The following LNP1 variants were observed in gnomAD, a reference collection of about 807,000 sequenced individuals.
LNP1 encodes the protein leukemia NUP98 fusion partner 1.
LNP1 carries 12 observed loss-of-function variants against 14.5 expected under a neutral mutation model. The observed-to-expected ratio is 0.83, with a 90% CI of 0.53 to 1.34. The LOEUF (loss-of-function observed/expected upper bound fraction) is 1.34, where lower values mean the gene tolerates loss of function less well. Among genes scored for constraint, LNP1 ranks in the 40% most tolerant of loss-of-function variants. LNP1 has a pLI of 0.00. For missense variants in LNP1, 198 were observed against 210.9 expected (o/e 0.94, Z 0.38); for synonymous variants, 75 against 71.4 (o/e 1.05, Z -0.26).
At position 100,422,442 on chromosome 3, in the gene LNP1, CAA is replaced by C. The variant is rs535765954; in HGVS notation, c.-33-7251_-33-7250del. The stretch of plus-strand genomic sequence containing the variant: ...TTGTGATCCGCCTGCCTCAGCCTCC[CAA>C]AAAGTTTTTTACATAGTAGTAAATT... On this transcript the variant is annotated intron_variant, in intron 1 of 3. Coordinates refer to ENST00000383693, the MANE Select transcript of LNP1 (RefSeq NM_001085451.2). Among the ~76,000 whole-genome samples, 38 of 152,188 alleles carry C rather than the reference CAA, an allele frequency of 2.5e-4. 1 individual carries two copies. The South Asian group carries it at 7.9e-3, about 32-fold the overall frequency.
intron 3 of LNP1, among the ~76,000 whole-genome samples, chr3:100,453,340 G>A (rs1707477346): frequency 6.6e-6 from 1 of 151,850 alleles, no homozygotes; most frequent in African/African-American, 2.4e-5. Flanking sequence ...CAGCACTTTG[G>A]AAGGTTGAGG....
chr3:100,423,776 T>C (rs1391284481), intron 1 of LNP1, among the ~76,000 whole-genome samples: 1 of 152,196 alleles, frequency 6.6e-6, no homozygotes, highest in Non-Finnish European at 1.5e-5. Flanking sequence ...CGCAGTCACT[T>C]GGCAGCTTTT....
In LNP1 at chr3:100,429,677, T is replaced by C. The variant is rs1411021934; in HGVS notation, c.-33-20T>C. 4 of 1,530,274 alleles carry C rather than the reference T, an allele frequency of 2.6e-6. No individual in the cohort carries two copies. The highest frequency in any genetic ancestry group is 2.3e-5 in the East Asian group (1 of 44,064). 94.8% of individuals were successfully genotyped at this position (1,530,274 alleles called of 1,614,324 possible). A position where few individuals can be genotyped will look rare whatever the true frequency, so the allele number is the denominator to read the frequency against. On this transcript the variant is annotated intron_variant, in intron 1 of 3. Coordinates refer to ENST00000383693, the MANE Select transcript of LNP1 (RefSeq NM_001085451.2). The stretch of plus-strand genomic sequence containing the variant: ...TCATTGTCAGCCCTGTTGGGTGATA[T>C]TTCCCTCTGTCGCATTTAGGGACAG...
At chr3:100,433,249 C>T (rs1051427872) in intron 2 of LNP1, among the ~76,000 whole-genome samples, 7 of 152,030 alleles carry the variant, frequency 4.6e-5, no homozygotes, top group African/African-American at 7.2e-5. Flanking sequence ...CCAGTGTGTG[C>T]GTTGTTCCCC....
chr3:100,434,811 G>C (rs547461379), intron 2 of LNP1, among the ~76,000 whole-genome samples: 4 of 149,514 alleles, frequency 2.7e-5, no homozygotes, highest in Admixed American at 2.0e-4. Flanking sequence ...TTACAGGTGT[G>C]AGCCACTGCA....
chr3:100,450,589 G>A (rs999178660), intron 2 of LNP1, among the ~76,000 whole-genome samples: 5 of 152,030 alleles, frequency 3.3e-5, no homozygotes, highest in Non-Finnish European at 4.4e-5. Context: ...CCTCCGCCTT[G>A]TCCTCCCAAA....
intron 1 of LNP1, among the ~76,000 whole-genome samples, chr3:100,414,355 T>C (rs1402675505): frequency 6.6e-6 from 1 of 152,116 alleles, no homozygotes; most frequent in Non-Finnish European, 1.5e-5. Flanking sequence ...GAGACCAGCC[T>C]GGACAACATC....
rs1188692370 is a variant in LNP1 at position 100,441,206 on chromosome 3, G to C, written c.157-10513G>C. Among the ~76,000 whole-genome samples the C allele has an allele frequency of 3.3e-5, 5 of 152,154 alleles. No homozygotes were observed. In the South Asian group the frequency reaches 8.3e-4, roughly 25 times the overall value. ...GGAAGGTGCGGTGGTAGCAAGCAAG[G>C]AAACAGTGTTTTCAAAAGGCTCCTG... On this transcript the variant is annotated intron_variant, in intron 2 of 3. Coordinates refer to ENST00000383693, the MANE Select transcript of LNP1 (RefSeq NM_001085451.2).
chr3:100,429,611 A>G, intron 1 of LNP1, 86 bp from the exon 2 acceptor site: 1 of 861,724 alleles, frequency 1.2e-6, no homozygotes. Flanking sequence ...CCATTTTAAA[A>G]AGACCAGTTT....
chr3:100,428,873 A>G (rs1707218882), intron 1 of LNP1, among the ~76,000 whole-genome samples: 1 of 152,236 alleles, frequency 6.6e-6, no homozygotes, highest in African/African-American at 2.4e-5. Context: ...TGCATACTGT[A>G]TAATGCCATT....
At chr3:100,430,474 G>A (rs947186363) in intron 2 of LNP1, among the ~76,000 whole-genome samples, 3 of 152,246 alleles carry the variant, frequency 2.0e-5, no homozygotes, top group African/African-American at 7.2e-5. Context: ...TAGCAGGAAA[G>A]CTCCCAAGAG....
Position 100,451,781 on chromosome 3 carries a change from C to T in LNP1, c.219C>T (p.Asp73=). ...ATCCTAGAAGGCATTCTCATGAGGA[C>T]CAAGAATTTCGATGCCGTAGCCACG... The part of the protein sequence containing the change: ...DCHPRRHSHE[D]QEFRCRSHVR... The change falls in exon 3 of 4, where the codon GAC becomes GAT. Residue 73 remains aspartate (D), a synonymous_variant. Transcript: ENST00000383693. The T allele has an allele frequency of 9.3e-6, 15 of 1,614,044 alleles. No homozygotes were observed. Among genetic ancestry groups the T allele is most frequent in the Non-Finnish European group, 1.0e-5 (12 of 1,179,874 alleles).
rs776450905 is a variant in LNP1 at position 100,451,727 on chromosome 3, G to A, written c.165G>A (p.Val55=). ...RKTSLPCPLP[V]LPRIPSSDCH... is the part of the protein sequence containing the mutation. Reference sequence around the variant, plus strand: ...TCATTCTGTATTCTCAGCTTCCTGTGCTTCCCAGAATTCCATCATCTGACT... The same window carrying A: ...TCATTCTGTATTCTCAGCTTCCTGTACTTCCCAGAATTCCATCATCTGACT... The change falls in exon 3 of 4, where the codon GTG becomes GTA. Residue 55 remains valine (V), a synonymous_variant. Coordinates refer to ENST00000383693, the MANE Select transcript of LNP1 (RefSeq NM_001085451.2). 45 of 1,603,146 alleles carry A rather than the reference G, an allele frequency of 2.8e-5. No individual in the cohort carries two copies. The highest frequency in any genetic ancestry group is 3.8e-5 in the Non-Finnish European group (44 of 1,170,136).
At chr3:100,411,227 A>G (rs545394667) in intron 1 of LNP1, among the ~76,000 whole-genome samples, 60 of 152,192 alleles carry the variant, frequency 3.9e-4, no homozygotes, top group Non-Finnish European at 7.5e-4. Flanking sequence ...GGGACTGTCT[A>G]TCCTATGCCT....
intron 1 of LNP1, among the ~76,000 whole-genome samples, chr3:100,423,803 T>C (rs957438349): frequency 6.6e-6 from 1 of 152,126 alleles, no homozygotes; most frequent in African/African-American, 2.4e-5. Context: ...TCCTGCAGGC[T>C]CAAAAAGGTG....
chr3:100,455,216 G>A (rs747504434), intron 3 of LNP1, among the ~76,000 whole-genome samples: 4 of 152,124 alleles, frequency 2.6e-5, no homozygotes, highest in Non-Finnish European at 5.9e-5. Context: ...TCTATTTAGT[G>A]TTATATCTCC....
intron 1 of LNP1, among the ~76,000 whole-genome samples, chr3:100,407,379 C>CT (rs963628569): frequency 5.9e-5 from 9 of 151,964 alleles, no homozygotes; most frequent in Non-Finnish European, 1.3e-4. Context: ...GATTGACAGT[C>CT]TTTTTTTTCC....
intron 1 of LNP1, among the ~76,000 whole-genome samples, chr3:100,413,755 T>A (rs1489156446): frequency 6.6e-6 from 1 of 152,254 alleles, no homozygotes; most frequent in Non-Finnish European, 1.5e-5. Context: ...TGGGTCTGCC[T>A]GGAGAAAGGT....
At chr3:100,422,632 A>G (rs1302655884) in intron 1 of LNP1, among the ~76,000 whole-genome samples, 1 of 152,122 alleles carries the variant, frequency 6.6e-6, no homozygotes, top group African/African-American at 2.4e-5. Context: ...TGTGTAAGAG[A>G]TGATTTATTG....
Sources: allele counts gnomAD v4.1 joint callset (sites outside exome capture counted in the v4.1 genomes callset), GRCh38; gene constraint gnomAD v4.1.1; transcripts MANE v1.5; gene names NCBI Gene and HGNC (gene_info 2026-07-23, HGNC 2026-07-21).